DENND2A: variants seen among roughly 807,000 people sequenced by gnomAD.
DENND2A encodes DENN domain containing 2A, also known as DENN domain-containing protein 2A.
DENND2A carries 53 observed loss-of-function variants against 105.3 expected under a neutral mutation model. The ratio of observed to expected loss-of-function variants is 0.50; its 90% CI spans 0.40 to 0.63. The LOEUF is 0.63. DENND2A is among the 30% of genes least tolerant of loss of function. DENND2A has a pLI of 0.00. For missense variants in DENND2A, 1,138 were observed against 1,279.6 expected, an observed-to-expected ratio of 0.89 and a Z score of 1.69; for synonymous variants, 522 against 508.4, an observed-to-expected ratio of 1.03 and a Z score of -0.36.
chr7:140,542,570 T>C (rs1463469724), intron 14 of DENND2A, among the ~76,000 whole-genome samples: 2 of 138,528 alleles, frequency 1.4e-5, no homozygotes, highest in African/African-American at 6.4e-5. Context: ...TCTCTCTTTT[T>C]TTTTTTTTTT....
rs138559502 is a variant in DENND2A, at chr7:140,570,698, C to T, written c.1447-960G>A. ...ACCCTGGTGTGGGACACATCCCAAG[C>T]CTCCAAGCAGGCCACTCAGCCTATG... On this transcript the variant is annotated intron_variant, in intron 6 of 19. Transcript: ENST00000496613. Among the ~76,000 whole-genome samples, 216 of 152,356 alleles carry T rather than the reference C, an allele frequency of 1.4e-3. 1 individual carries two copies. The highest frequency in any genetic ancestry group is 2.2e-3 in the Non-Finnish European group (153 of 68,020).
intron 13 of DENND2A, 97 bp from the exon 14 acceptor site, chr7:140,544,863 G>C: frequency 3.3e-6 from 5 of 1,509,364 alleles, no homozygotes; most frequent in Non-Finnish European, 4.4e-6. Flanking sequence ...GTCCTCATCA[G>C]GGGTGACCCA....
At chr7:140,570,256 C>T (rs908359512) in intron 6 of DENND2A, among the ~76,000 whole-genome samples, 2 of 152,184 alleles carry the variant, frequency 1.3e-5, no homozygotes, top group Non-Finnish European at 1.5e-5. Flanking sequence ...AGGCTGCCAG[C>T]TCCACTGCCC....
chr7:140,620,069 G>A (rs899575736), intron 1 of DENND2A, among the ~76,000 whole-genome samples: 6 of 151,588 alleles, frequency 4.0e-5, no homozygotes, highest in African/African-American at 7.3e-5. Context: ...GGTGGCGGGC[G>A]CCTGTAGTCC....
chr7:140,606,866 C>A (rs150790088), intron 1 of DENND2A, among the ~76,000 whole-genome samples: 1 of 152,228 alleles, frequency 6.6e-6, no homozygotes, highest in African/African-American at 2.4e-5. Context: ...ACTGATTAAA[C>A]TTCATTGCTT....
chr7:140,624,237 C>T (rs1260762782), intron 1 of DENND2A, among the ~76,000 whole-genome samples: 2 of 152,230 alleles, frequency 1.3e-5, no homozygotes, highest in Non-Finnish European at 2.9e-5. Context: ...CATCCTCCTC[C>T]TGGCCTCAGC....
rs1020786213 is a variant in DENND2A, at chr7:140,527,201, G to A, written c.2505+117C>T. On this transcript the variant is annotated intron_variant, in intron 15 of 19. Coordinates refer to ENST00000496613, the MANE Select transcript of DENND2A (RefSeq NM_015689.5). The surrounding 1 kb of genome is among the most constrained non-coding windows in gnomAD (Gnocchi z 4.9). Reference sequence around the variant, plus strand: ...CCAGACAAAGCCCTGGTGCCCCCACGCCCTGCTCCCCAACACTGCTGGCTC... The same window carrying A: ...CCAGACAAAGCCCTGGTGCCCCCACACCCTGCTCCCCAACACTGCTGGCTC... 9.4e-6 allele frequency: 11 copies of A among 1,171,026 alleles called. No homozygotes were observed. The highest frequency in any genetic ancestry group is 6.2e-5 in the African/African-American group (4 of 64,518). 72.5% of individuals were successfully genotyped at this position (1,171,026 alleles called of 1,614,324 possible). A position where few individuals can be genotyped will look rare whatever the true frequency, so the allele number is the denominator to read the frequency against.
intron 1 of DENND2A, among the ~76,000 whole-genome samples, chr7:140,624,581 C>T (rs1800436273): frequency 1.3e-5 from 2 of 152,144 alleles, no homozygotes; most frequent in Non-Finnish European, 2.9e-5. Flanking sequence ...CTGTCTGGGG[C>T]TCATTCACCT....
At chr7:140,526,261 T>C (rs1257510824) in intron 15 of DENND2A, among the ~76,000 whole-genome samples, 1 of 152,150 alleles carries the variant, frequency 6.6e-6, no homozygotes, top group Non-Finnish European at 1.5e-5. Context: ...GCTTTGGGCT[T>C]TCACTGCTGA....
rs935920849 is a variant in DENND2A, at chr7:140,523,112, A to G, written c.2665+195T>C. ...CCTTTTAAACAGGTACTTTAAGGCC[A>G]AAATGGGGGAGGTGGGAAAATCTTT... On this transcript the variant is annotated intron_variant, in intron 17 of 19. Coordinates refer to ENST00000496613, the MANE Select transcript of DENND2A (RefSeq NM_015689.5). The surrounding 1 kb of genome is among the most constrained non-coding windows in gnomAD (Gnocchi z 4.5). 2.0e-5 allele frequency among the ~76,000 whole-genome samples: 3 copies of G among 152,302 alleles called. No individual in the cohort carries two copies. Among genetic ancestry groups the G allele is most frequent in the Admixed American group, 2.0e-4 (3 of 15,294 alleles).
chr7:140,582,424 A>G (rs1798583604), intron 5 of DENND2A, among the ~76,000 whole-genome samples: 1 of 152,216 alleles, frequency 6.6e-6, no homozygotes, highest in African/African-American at 2.4e-5. Flanking sequence ...GATTTCCTAA[A>G]TGTTGAAGAC....
intron 1 of DENND2A, among the ~76,000 whole-genome samples, chr7:140,606,139 CA>C (rs1218008460): frequency 3.3e-5 from 5 of 152,128 alleles, no homozygotes; most frequent in Non-Finnish European, 7.4e-5. Context: ...CTCCTGGGCT[CA>C]AGTGATTCTC....
At chr7:140,573,079 T>C (rs1433347129) in intron 6 of DENND2A, among the ~76,000 whole-genome samples, 1 of 152,228 alleles carries the variant, frequency 6.6e-6, no homozygotes, top group African/African-American at 2.4e-5. Context: ...TTCAGCCTAG[T>C]ATATAAGCAC....
chr7:140,582,563 C>T (rs1798588378), intron 5 of DENND2A, among the ~76,000 whole-genome samples: 1 of 152,212 alleles, frequency 6.6e-6, no homozygotes, highest in Admixed American at 6.5e-5. Context: ...TGACAGTTAA[C>T]TGGTGCAGGC....
chr7:140,577,350 T>G (rs568380365), intron 5 of DENND2A, among the ~76,000 whole-genome samples: 1 of 152,210 alleles, frequency 6.6e-6, no homozygotes, highest in Admixed American at 6.5e-5. Flanking sequence ...ATTGAAGGCC[T>G]TTGAAAGTGA....
At chr7:140,595,951 G>A (rs1799267257) in intron 3 of DENND2A, among the ~76,000 whole-genome samples, 1 of 152,150 alleles carries the variant, frequency 6.6e-6, no homozygotes, top group Admixed American at 6.5e-5. Flanking sequence ...TACTCAGGAA[G>A]GGCTTTCCTA....
upstream of DENND2A, chr7:140,641,415 C>G (rs569710331): frequency 6.6e-6 from 1 of 152,264 alleles, no homozygotes; most frequent in Non-Finnish European, 1.5e-5. Context: ...CGCAGGACAC[C>G]GTCAAGGAAC....
chr7:140,546,585 T>C (rs1039741552), intron 13 of DENND2A, among the ~76,000 whole-genome samples: 12 of 152,184 alleles, frequency 7.9e-5, no homozygotes, highest in African/African-American at 2.9e-4. Context: ...CCAGCTGCCA[T>C]AGCATAGTTC....
At chr7:140,636,619 C>CA (rs1395285380) in intron 1 of DENND2A, among the ~76,000 whole-genome samples, 2 of 148,898 alleles carry the variant, frequency 1.3e-5, no homozygotes, top group Non-Finnish European at 3.0e-5. Context: ...CTGGGGATCT[C>CA]AAAAAAATAC....
Sources: gnomAD v4.1 joint callset for allele counts (sites outside exome capture counted in the v4.1 genomes callset) on GRCh38, gnomAD v4.1.1 for gene constraint, Gnocchi (gnomAD v3.1) non-coding constraint, MANE v1.5 for transcripts, NCBI Gene and HGNC (gene_info 2026-07-23, HGNC 2026-07-21) for gene names.